Variants in ABCB7 observed in about 807,000 individuals in gnomAD.
The protein encoded by ABCB7 is ATP binding cassette subfamily B member 7, also known as iron-sulfur clusters transporter ABCB7, mitochondrial.
Under a neutral mutation model 54.4 loss-of-function variants are expected in ABCB7, and 7 were observed. The ratio of observed to expected loss-of-function variants is 0.13; its 90% CI spans 0.07 to 0.24. ABCB7 has a LOEUF of 0.24. ABCB7 is among the 10% of genes least tolerant of loss of function. The pLI is 1.00. For synonymous variants in ABCB7, 218 were observed against 207.1 expected (o/e 1.05, Z -0.45); for missense variants, 356 against 570.4 (o/e 0.62, Z 3.83).
intron 4 of ABCB7, 58 bp downstream of exon 4, chrX:75,098,884 T>C (rs1229792933): frequency 1.7e-6 from 2 of 1,201,680 alleles, no homozygotes; most frequent in Non-Finnish European, 2.3e-6. Context: ...CCAGGATTCA[T>C]AACTAGAAAA....
chrX:75,109,128 C>T (rs1031816418), intron 3 of ABCB7, among the ~76,000 whole-genome samples: 1 of 111,826 alleles, frequency 8.9e-6, no homozygotes, highest in African/African-American at 3.3e-5. Context: ...TGGAAAGCCA[C>T]AAATTATACT....
chrX:75,140,081 T>C (rs1043969125), intron 1 of ABCB7, among the ~76,000 whole-genome samples: 2 of 111,551 alleles, frequency 1.8e-5, no homozygotes, highest in South Asian at 3.7e-4. Context: ...CCCAAATTAA[T>C]AGATTTAATG....
At chrX:75,066,384 C>A (rs1189803622) in intron 12 of ABCB7, among the ~76,000 whole-genome samples, 1 of 111,301 alleles carries the variant, frequency 9.0e-6, no homozygotes, top group Non-Finnish European at 1.9e-5. Context: ...TACTTAAACT[C>A]AATAAGCTCA....
intron 4 of ABCB7, among the ~76,000 whole-genome samples, chrX:75,098,220 A>G (rs1048556964): frequency 9.1e-6 from 1 of 109,524 alleles, no homozygotes; most frequent in African/African-American, 3.3e-5. Flanking sequence ...GAGGCAGGAG[A>G]ATTGCTTGAA....
In ABCB7 at chrX:75,133,732, A is replaced by G. The variant is rs767485287; in HGVS notation, c.169-18901T>C. Among the ~76,000 whole-genome samples the G allele has an allele frequency of 2.0e-4, 22 of 111,923 alleles. No individual in the cohort carries two copies. In the South Asian group the frequency reaches 7.8e-3, roughly 40 times the overall value. ...CAATAATTTAATATCCAGCCAAACTAAGCTTCGTAAGCAAAGGAGAAACAA... is the reference window on the plus strand; with the variant it reads ...CAATAATTTAATATCCAGCCAAACTGAGCTTCGTAAGCAAAGGAGAAACAA... On this transcript the variant is annotated intron_variant, in intron 1 of 15. Transcript: ENST00000373394.
chrX:75,053,783 G>A (rs2081214070), intron 15 of ABCB7, among the ~76,000 whole-genome samples, 198 bp from the exon 16 acceptor site: 1 of 111,616 alleles, frequency 9.0e-6, no homozygotes, highest in African/African-American at 3.3e-5. Flanking sequence ...CCCAGTGCCA[G>A]AACAAACAAA....
At chrX:75,103,880 A>G (rs1419276172) in intron 3 of ABCB7, among the ~76,000 whole-genome samples, 1 of 108,135 alleles carries the variant, frequency 9.2e-6, no homozygotes, top group Non-Finnish European at 1.9e-5. Context: ...TGTAGTCTTT[A>G]GTTTTTTTCT....
intron 15 of ABCB7, among the ~76,000 whole-genome samples, chrX:75,056,521 C>T (rs188869569): frequency 1.8e-5 from 2 of 111,480 alleles, no homozygotes; most frequent in East Asian, 5.6e-4. Flanking sequence ...TTCATTAGTT[C>T]CCCTGACCCA....
intron 12 of ABCB7, among the ~76,000 whole-genome samples, chrX:75,066,431 A>G (rs190401508): frequency 8.9e-6 from 1 of 111,807 alleles, no homozygotes; most frequent in African/African-American, 3.2e-5. Context: ...AAAATAATTT[A>G]TATTTAGGAA....
At chrX:75,127,964 G>C (rs2081946400) in intron 1 of ABCB7, among the ~76,000 whole-genome samples, 1 of 111,834 alleles carries the variant, frequency 8.9e-6, no homozygotes, top group African/African-American at 3.3e-5. Flanking sequence ...CAAACAAATG[G>C]AGAAATATTC....
chrX:75,122,862 G>GTGTGTA (rs2081892082), intron 1 of ABCB7, among the ~76,000 whole-genome samples: 1 of 2,400 alleles, frequency 4.2e-4, no homozygotes, highest in South Asian at 0.091. Flanking sequence ...TAAAATTGGG[G>GTGTGTA]TGTGTGTGTG....
At chrX:75,146,447 G>A (rs925907147) in intron 1 of ABCB7, among the ~76,000 whole-genome samples, 15 of 111,844 alleles carry the variant, frequency 1.3e-4, no homozygotes, top group South Asian at 7.5e-4. Flanking sequence ...AACCAAAACC[G>A]CATGGTACTG....
chrX:75,146,795 C>A (rs201635681), intron 1 of ABCB7, among the ~76,000 whole-genome samples: 2 of 111,448 alleles, frequency 1.8e-5, no homozygotes, highest in East Asian at 5.6e-4. Flanking sequence ...AAAGCAACTG[C>A]AACAAAAGTA....
At chrX:75,055,594 A>G (rs2081233183) in intron 15 of ABCB7, among the ~76,000 whole-genome samples, 1 of 104,928 alleles carries the variant, frequency 9.5e-6, no homozygotes, top group African/African-American at 3.5e-5. Flanking sequence ...CAAAAAACAC[A>G]CACAAAAAAC....
intron 14 of ABCB7, 35 bp from the exon 15 acceptor site, chrX:75,060,365 T>TA (rs1569215765): frequency 9.9e-7 from 1 of 1,011,768 alleles, no homozygotes; most frequent in East Asian, 3.1e-5. Context: ...CAGGAGAAAA[T>TA]AAAAAGAAGT....
At chrX:75,088,926 A>G (rs2081523327) in intron 4 of ABCB7, among the ~76,000 whole-genome samples, 1 of 110,721 alleles carries the variant, frequency 9.0e-6, no homozygotes. Flanking sequence ...TTCAAACTAC[A>G]AAAATCAAAG....
chrX:75,071,531 G>A lies in ABCB7; in HGVS notation c.1185C>T (p.Leu395=), dbSNP rs1402679529. The change falls in exon 9 of 16, where the codon CTC becomes CTT. Residue 395 remains leucine, a synonymous_variant. Coordinates refer to ENST00000373394, the MANE Select transcript of ABCB7 (RefSeq NM_001271696.3). ...FSVGLTAIMV[L]ASQGIVAGTL... ...TACCTGCCACAATTCCCTGACTGGC[G>A]AGCACCATTATAGCTGTTAAACCGA... The A allele has an allele frequency of 8.3e-7, 1 of 1,211,047 alleles. No homozygotes were observed. Among genetic ancestry groups the A allele is most frequent in the Admixed American group, 2.2e-5 (1 of 45,941 alleles).
intron 3 of ABCB7, among the ~76,000 whole-genome samples, chrX:75,100,380 C>T (rs2081629785): frequency 9.0e-6 from 1 of 110,856 alleles, no homozygotes; most frequent in Admixed American, 9.7e-5. Context: ...TTGGTCTGGC[C>T]TCTGGATACC....
intron 1 of ABCB7, among the ~76,000 whole-genome samples, chrX:75,149,697 A>G (rs948173139): frequency 8.9e-6 from 1 of 111,845 alleles, no homozygotes; most frequent in Admixed American, 9.6e-5. Context: ...TATCTCCTCC[A>G]CAAGATACAT....
Sources: allele counts gnomAD v4.1 joint callset (sites outside exome capture counted in the v4.1 genomes callset), GRCh38; gene constraint gnomAD v4.1.1; transcripts MANE v1.5; gene names NCBI Gene and HGNC (gene_info 2026-07-23, HGNC 2026-07-21).